The following RELN variants were observed in gnomAD, a reference collection of about 807,000 sequenced individuals.
RELN encodes reelin.
In RELN, 108 loss-of-function variants were observed where a neutral mutation model predicts 427.6. That is an observed-to-expected ratio of 0.25 (90% CI 0.22 to 0.30). The LOEUF (loss-of-function observed/expected upper bound fraction) is 0.30. Among genes scored for constraint, RELN ranks in the 10% least tolerant of loss-of-function variants. The pLI is 1.00. For missense variants in RELN, 3,715 were observed against 4,302.8 expected, an observed-to-expected ratio of 0.86 and a Z score of 3.82; for synonymous variants, 1,524 against 1,513.4, an observed-to-expected ratio of 1.01 and a Z score of -0.16.
intron 9 of RELN, among the ~76,000 whole-genome samples, chr7:103,699,756 A>T (rs191935814): frequency 1.3e-5 from 2 of 152,138 alleles, no homozygotes; most frequent in Non-Finnish European, 2.9e-5. Flanking sequence ...ATGCATTTTC[A>T]TAACTACTAG....
intron 8 of RELN, among the ~76,000 whole-genome samples, chr7:103,705,656 G>A (rs1052118425): frequency 1.3e-5 from 2 of 152,178 alleles, no homozygotes; most frequent in African/African-American, 4.8e-5. Flanking sequence ...GAGGTATTAC[G>A]TGTAGGGTTA....
rs1793099541 is a variant in RELN at position 103,824,978 on chromosome 7, C to A, written c.473+8559G>T. Among the ~76,000 whole-genome samples the A allele has an allele frequency of 6.9e-6, 1 of 145,034 alleles. No homozygotes were observed. The highest frequency in any genetic ancestry group is 2.5e-5 in the African/African-American group (1 of 40,006). The stretch of plus-strand genomic sequence containing the variant: ...TTGCGAGTTTTTGAAGCTCTTGCTT[C>A]AAATAATAGGTGGTTCTAGGAGAGT... On this transcript the variant is annotated intron_variant, in intron 3 of 64. Coordinates refer to ENST00000428762, the MANE Select transcript of RELN (RefSeq NM_005045.4). This position sits in a 1 kb window ranked among gnomAD's most constrained non-coding sequence, Gnocchi z 4.4.
At chr7:103,945,407 C>G (rs1796200265) in intron 1 of RELN, among the ~76,000 whole-genome samples, 1 of 152,114 alleles carries the variant, frequency 6.6e-6, no homozygotes, top group Non-Finnish European at 1.5e-5. Flanking sequence ...TTAAGAAAAC[C>G]AGTTCTCAAC....
chr7:103,731,745 C>A (rs1232338095), intron 6 of RELN, among the ~76,000 whole-genome samples: 2 of 152,036 alleles, frequency 1.3e-5, no homozygotes, highest in Non-Finnish European at 2.9e-5. Context: ...TGGGATGGAG[C>A]AAAGTGGACA....
chr7:103,661,363 A>T lies in RELN; in HGVS notation c.1441+13T>A, dbSNP rs761803734. On this transcript the variant is annotated intron_variant, in intron 12 of 64. Coordinates refer to ENST00000428762, the MANE Select transcript of RELN (RefSeq NM_005045.4). Reference sequence around the variant, plus strand: ...TGCCCCACGGTGAACAAAGTTTGTGAAAATGTACTTACCCATCACAAAGTA... The same window carrying T: ...TGCCCCACGGTGAACAAAGTTTGTGTAAATGTACTTACCCATCACAAAGTA... 1.2e-5 allele frequency: 20 copies of T among 1,613,588 alleles called. No homozygotes were observed. The highest frequency in any genetic ancestry group is 1.5e-5 in the Non-Finnish European group (18 of 1,179,726).
At chr7:103,671,338 A>T (rs1014938589) in intron 11 of RELN, among the ~76,000 whole-genome samples, 3 of 152,060 alleles carry the variant, frequency 2.0e-5, no homozygotes, top group South Asian at 2.1e-4. Flanking sequence ...CTTGAATTTA[A>T]TTTTGTTTTA....
chr7:103,778,752 T>C (rs1192751119), intron 3 of RELN, among the ~76,000 whole-genome samples: 1 of 152,228 alleles, frequency 6.6e-6, no homozygotes, highest in Non-Finnish European at 1.5e-5. Flanking sequence ...TTCTAAAGAA[T>C]AATGACAGAG....
chr7:103,548,552 G>T (rs1830348413), intron 41 of RELN, among the ~76,000 whole-genome samples: 1 of 152,200 alleles, frequency 6.6e-6, no homozygotes, highest in Non-Finnish European at 1.5e-5. Context: ...ATGGTTGAAG[G>T]CAGTTTGAAA....
At chr7:103,986,629 TA>T (rs34403864) in intron 1 of RELN, among the ~76,000 whole-genome samples, 35,264 of 102,076 alleles carry the variant, frequency 0.35, 4,973 homozygotes, top group Non-Finnish European at 0.39. Flanking sequence ...TTCTTTTAGG[TA>T]AAAAAAAAAA....
intron 4 of RELN, among the ~76,000 whole-genome samples, chr7:103,755,617 AT>A (rs371132314): frequency 0.11 from 8,722 of 82,880 alleles, 434 homozygotes; most frequent in South Asian, 0.19. Context: ...CAAAAAAAAA[AT>A]AAAAAAAATA....
chr7:103,902,594 T>C (rs1795107438), intron 2 of RELN, among the ~76,000 whole-genome samples: 1 of 152,078 alleles, frequency 6.6e-6, no homozygotes, highest in Non-Finnish European at 1.5e-5. Context: ...GCTATTCTGT[T>C]TTCCAAAATG....
In RELN at chr7:103,699,516, A is replaced by G. The variant is rs554175500; in HGVS notation, c.902+1394T>C. 2.0e-5 allele frequency among the ~76,000 whole-genome samples: 3 copies of G among 152,282 alleles called. No individual in the cohort carries two copies. The South Asian group carries it at 6.2e-4, about 32-fold the overall frequency. On this transcript the variant is annotated intron_variant, in intron 9 of 64. Coordinates refer to ENST00000428762, the MANE Select transcript of RELN (RefSeq NM_005045.4). ...AACTGAAAGTACCATTTAGTGAAAA[A>G]TAGATGGGTTCAGCTGAACACAATC... is the stretch of plus-strand genomic sequence containing the variant.
chr7:103,583,974 G>A (rs1274944025), intron 28 of RELN, among the ~76,000 whole-genome samples: 1 of 152,238 alleles, frequency 6.6e-6, no homozygotes, highest in Non-Finnish European at 1.5e-5. Flanking sequence ...GCTGCAGCAG[G>A]AAGTCATGTG....
chr7:103,621,397 GT>G (rs1474681300), intron 20 of RELN, among the ~76,000 whole-genome samples: 1 of 152,148 alleles, frequency 6.6e-6, no homozygotes, highest in Admixed American at 6.6e-5. Flanking sequence ...AGTTTGGTGA[GT>G]TTCTTCTCAT....
At chr7:103,558,659 G>A (rs151047729) in intron 36 of RELN, among the ~76,000 whole-genome samples, 178 of 152,286 alleles carry the variant, frequency 1.2e-3, no homozygotes, top group African/African-American at 3.7e-3. Context: ...ATTAGCTTTC[G>A]TAATTTTTTC....
At chr7:103,804,025 A>G (rs1339001303) in intron 3 of RELN, among the ~76,000 whole-genome samples, 2 of 152,124 alleles carry the variant, frequency 1.3e-5, no homozygotes, top group African/African-American at 4.8e-5. Context: ...GAAAATCTCC[A>G]TCATGTAATT....
rs569297614 is a variant in RELN, at chr7:103,934,132, G to A, written c.227-16947C>T. 2.3e-3 allele frequency among the ~76,000 whole-genome samples: 352 copies of A among 152,212 alleles called. 1 individual carries two copies. Among genetic ancestry groups the A allele is most frequent in the African/African-American group, 8.0e-3 (334 of 41,532 alleles). On this transcript the variant is annotated intron_variant, in intron 1 of 64. Coordinates refer to ENST00000428762, the MANE Select transcript of RELN (RefSeq NM_005045.4). ...AGTTGGTGACCACAAAGTGACCCAT[G>A]TTGCATGACACTTCCAAATCTCAAT...
chr7:103,671,220 G>A (rs756519665), intron 11 of RELN, among the ~76,000 whole-genome samples: 12 of 152,108 alleles, frequency 7.9e-5, no homozygotes, highest in Non-Finnish European at 1.6e-4. Flanking sequence ...GCATTTATAG[G>A]TTTTACCTCT....
At chr7:103,482,796 A>ATT in intron 63 of RELN, 77 bp downstream of exon 63, 2 of 1,610,022 alleles carry the variant, frequency 1.2e-6, no homozygotes, top group Non-Finnish European at 1.7e-6. Context: ...ATCTTACTGA[A>ATT]TTAAGGGTCA....
Sources: allele counts gnomAD v4.1 joint callset (sites outside exome capture counted in the v4.1 genomes callset), GRCh38; gene constraint gnomAD v4.1.1; non-coding constraint Gnocchi (gnomAD v3.1); transcripts MANE v1.5; gene names NCBI Gene and HGNC (gene_info 2026-07-23, HGNC 2026-07-21).